Variants in RAP1GAP observed in about 807,000 individuals in gnomAD.
The protein encoded by RAP1GAP is rap1 GTPase-activating protein 1.
Under a neutral mutation model 87.2 loss-of-function variants are expected in RAP1GAP, and 35 were observed. That is an observed-to-expected ratio of 0.40 (90% CI 0.31 to 0.53). The LOEUF is 0.53. Among genes scored for constraint, RAP1GAP ranks in the 20% least tolerant of loss-of-function variants. The pLI is 0.48. For synonymous variants in RAP1GAP, 375 were observed against 363.9 expected, an observed-to-expected ratio of 1.03 and a Z score of -0.35; for missense variants, 734 against 898.9, an observed-to-expected ratio of 0.82 and a Z score of 2.35.
In RAP1GAP at chr1:21,661,012, G is replaced by A. The variant is rs2097135809; in HGVS notation, c.-149+8242C>T. Among the ~76,000 whole-genome samples, 3 of 152,164 alleles carry A rather than the reference G, an allele frequency of 2.0e-5. No homozygotes were observed. In the South Asian group the frequency reaches 6.2e-4, roughly 31 times the overall value. ...GCTTGTAATAATCCCAGCACTTTGAGAGACTGAGGCAGGTGGATCGCCTGA... is the reference window on the plus strand; with the variant it reads ...GCTTGTAATAATCCCAGCACTTTGAAAGACTGAGGCAGGTGGATCGCCTGA... On this transcript the variant is annotated intron_variant, in intron 1 of 24. Coordinates refer to ENST00000374765, the MANE Select transcript of RAP1GAP (RefSeq NM_002885.4).
intron 1 of RAP1GAP, among the ~76,000 whole-genome samples, chr1:21,664,584 T>C (rs1303077208): frequency 6.6e-6 from 1 of 152,178 alleles, no homozygotes; most frequent in East Asian, 1.9e-4. Context: ...GTAATTCTAC[T>C]ACTAACATTA....
At chr1:21,645,549 G>A (rs2095968678) in intron 2 of RAP1GAP, among the ~76,000 whole-genome samples, 3 of 152,202 alleles carry the variant, frequency 2.0e-5, no homozygotes, top group Admixed American at 1.3e-4. Flanking sequence ...CCAGGCTAAT[G>A]AGCTGGGGAC....
At chr1:21,662,895 G>A (rs1258287076) in intron 1 of RAP1GAP, among the ~76,000 whole-genome samples, 1 of 152,184 alleles carries the variant, frequency 6.6e-6, no homozygotes, top group African/African-American at 2.4e-5. Flanking sequence ...CATGAAAAGT[G>A]CTTACATAGG....
At chr1:21,623,112 G>C (rs1482093059) in intron 3 of RAP1GAP, 1 of 152,348 alleles carries the variant, frequency 6.6e-6, no homozygotes, top group Non-Finnish European at 1.5e-5. Context: ...ACAGTGGCTG[G>C]CCTGCTCCGT....
Position 21,613,798 on chromosome 1 carries a change from G to A in RAP1GAP, c.396-92C>T. The A allele has an allele frequency of 7.5e-7, 1 of 1,330,772 alleles. No individual in the cohort carries two copies. Among genetic ancestry groups the A allele is most frequent in the Non-Finnish European group, 1.1e-6 (1 of 929,788 alleles). The allele number at this position is 1,330,772 out of a possible 1,614,324, so 82.4% of individuals were successfully genotyped here. A position where few individuals can be genotyped will look rare whatever the true frequency, so the allele number is the denominator to read the frequency against. On this transcript the variant is annotated intron_variant, in intron 8 of 24. Coordinates refer to ENST00000374765, the MANE Select transcript of RAP1GAP (RefSeq NM_002885.4). The surrounding 1 kb of genome is among the most constrained non-coding windows in gnomAD (Gnocchi z 4.7). ...CACAAAGTAAGGCCAGAAGGGGGTG[G>A]ACCACAGCGAGGACCAGAGGTGATG...
chr1:21,609,509 G>A lies in RAP1GAP; in HGVS notation c.1071+66C>T, dbSNP rs966548318. ...TTTGGGACCTCATAAGGCAGAATGT[G>A]TATGCACCCCCCAGGCCCCCACCCA... On this transcript the variant is annotated intron_variant, in intron 15 of 24. Coordinates refer to ENST00000374765, the MANE Select transcript of RAP1GAP (RefSeq NM_002885.4). This position sits in a 1 kb window ranked among gnomAD's most constrained non-coding sequence, Gnocchi z 4.4. The A allele has an allele frequency of 7.2e-6, 7 of 965,666 alleles. No homozygotes were observed. The highest frequency in any genetic ancestry group is 8.8e-6 in the Non-Finnish European group (6 of 681,292). 59.8% of individuals were successfully genotyped at this position (965,666 alleles called of 1,614,324 possible).
intron 2 of RAP1GAP, among the ~76,000 whole-genome samples, chr1:21,636,486 G>A (rs1198314961): frequency 6.6e-6 from 1 of 152,136 alleles, no homozygotes; most frequent in Non-Finnish European, 1.5e-5. Context: ...AGGTAGAAAC[G>A]ATGGGACAAA....
At chr1:21,598,317 G>A (rs1475675372) in intron 22 of RAP1GAP, 83 bp downstream of exon 22, 1 of 1,266,378 alleles carries the variant, frequency 7.9e-7, no homozygotes, top group African/African-American at 1.5e-5. Flanking sequence ...CACTGCATGG[G>A]GCATGGGAAC....
chr1:21,654,347 G>A (rs1320802612), intron 1 of RAP1GAP, among the ~76,000 whole-genome samples: 10 of 152,194 alleles, frequency 6.6e-5, no homozygotes, highest in Non-Finnish European at 1.3e-4. Flanking sequence ...CAGCTCTCCC[G>A]CTTGTCACCT....
chr1:21,644,513 T>C (rs2095838573), intron 2 of RAP1GAP, among the ~76,000 whole-genome samples: 2 of 152,092 alleles, frequency 1.3e-5, no homozygotes, highest in Admixed American at 1.3e-4. Flanking sequence ...ATCAAACCCA[T>C]GAACGTGGGC....
At position 21,603,398 on chromosome 1, in the gene RAP1GAP, G is replaced by C; in HGVS notation, c.1429-485C>G. On this transcript the variant is annotated intron_variant, in intron 18 of 24. Transcript: ENST00000374765. This position sits in a 1 kb window ranked among gnomAD's most constrained non-coding sequence, Gnocchi z 6.0. ...CCCAGCTTCCCACACACTGTGCTGG[G>C]ATGCCCCAGGCCCCAGAAGCCCGCC... The C allele has an allele frequency of 1.8e-6, 1 of 543,666 alleles. No individual in the cohort carries two copies. The highest frequency in any genetic ancestry group is 3.3e-6 in the Non-Finnish European group (1 of 304,658). 33.7% of individuals were successfully genotyped at this position (543,666 alleles called of 1,614,324 possible). A position where few individuals can be genotyped will look rare whatever the true frequency, so the allele number is the denominator to read the frequency against.
intron 4 of RAP1GAP, 132 bp downstream of exon 4, chr1:21,619,883 C>G: frequency 1.0e-6 from 1 of 955,556 alleles, no homozygotes; most frequent in Non-Finnish European, 1.6e-6. Flanking sequence ...CCTGGACAAC[C>G]AATAGCCACC....
chr1:21,613,538 G>T lies in RAP1GAP; in HGVS notation c.474+90C>A. On this transcript the variant is annotated intron_variant, in intron 9 of 24. Coordinates refer to ENST00000374765, the MANE Select transcript of RAP1GAP (RefSeq NM_002885.4). The surrounding 1 kb of genome is among the most constrained non-coding windows in gnomAD (Gnocchi z 4.7). ...CGGCAGGCCAGGGCTAGGGCCTACA[G>T]CTGAAGGGGACGCGCCAAGGCAAGC... 2 of 1,250,770 alleles carry T rather than the reference G, an allele frequency of 1.6e-6. No homozygotes were observed. Among genetic ancestry groups the T allele is most frequent in the Non-Finnish European group, 1.2e-6 (1 of 853,292 alleles). 77.5% of individuals were successfully genotyped at this position (1,250,770 alleles called of 1,614,324 possible).
At position 21,634,662 on chromosome 1, in the gene RAP1GAP, A is replaced by G; in HGVS notation, c.-112-8265T>C. On this transcript the variant is annotated intron_variant, in intron 2 of 24. Coordinates refer to ENST00000374765, the MANE Select transcript of RAP1GAP (RefSeq NM_002885.4). This position sits in a 1 kb window ranked among gnomAD's most constrained non-coding sequence, Gnocchi z 4.1. ...CGGATCCCGGAGCTGGGCCAGGCAG[A>G]GGCCTCCTGAACAAATAACAGGTTG... The G allele has an allele frequency of 3.5e-6, 1 of 287,304 alleles. No homozygotes were observed. Among genetic ancestry groups the G allele is most frequent in the Non-Finnish European group, 7.7e-6 (1 of 129,320 alleles). 17.8% of individuals were successfully genotyped at this position (287,304 alleles called of 1,614,324 possible). A position where few individuals can be genotyped will look rare whatever the true frequency, so the allele number is the denominator to read the frequency against.
At position 21,622,366 on chromosome 1, in the gene RAP1GAP, GC is replaced by G; in HGVS notation, c.-18-2317del. On this transcript the variant is annotated intron_variant, in intron 3 of 24. Transcript: ENST00000374765. This position sits in a 1 kb window ranked among gnomAD's most constrained non-coding sequence, Gnocchi z 5.7. ...GCCAGCTGGCCCCCGCGGGCAGCGA[GC>G]CCCTCCGCGGACGGCCGGGTGGCAC... 2 of 456,078 alleles carry G rather than the reference GC, an allele frequency of 4.4e-6. No homozygotes were observed. The highest frequency in any genetic ancestry group is 3.9e-5 in the South Asian group (1 of 25,372). 28.3% of individuals were successfully genotyped at this position (456,078 alleles called of 1,614,324 possible). A position where few individuals can be genotyped will look rare whatever the true frequency, so the allele number is the denominator to read the frequency against.
At chr1:21,667,214 C>T (rs1204705671) in intron 1 of RAP1GAP, among the ~76,000 whole-genome samples, 1 of 152,204 alleles carries the variant, frequency 6.6e-6, no homozygotes, top group African/African-American at 2.4e-5. Flanking sequence ...CTCTTGGCCC[C>T]AGAATTTGAC....
rs1456133998 is a variant in RAP1GAP at position 21,603,238 on chromosome 1, G to A, written c.1429-325C>T. 1.0e-5 allele frequency: 4 copies of A among 400,414 alleles called. No homozygotes were observed. The East Asian group carries it at 1.7e-4, about 17-fold the overall frequency. The allele number at this position is 400,414 out of a possible 1,614,324, so 24.8% of individuals were successfully genotyped here. On this transcript the variant is annotated intron_variant, in intron 18 of 24. Coordinates refer to ENST00000374765, the MANE Select transcript of RAP1GAP (RefSeq NM_002885.4). This position sits in a 1 kb window ranked among gnomAD's most constrained non-coding sequence, Gnocchi z 6.0. ...ACCGCTCCCCGCCCCCCAGGGCTCT[G>A]TGGGATCTGCAGCCTAAGGGCAGTG...
intron 1 of RAP1GAP, chr1:21,651,831 C>A: frequency 1.7e-6 from 2 of 1,202,548 alleles, no homozygotes; most frequent in Non-Finnish European, 2.1e-6. Flanking sequence ...ATGGTGCCGC[C>A]GCCGCCGCCC....
chr1:21,644,125 T>A (rs527779557), intron 2 of RAP1GAP, among the ~76,000 whole-genome samples: 2 of 152,090 alleles, frequency 1.3e-5, no homozygotes, highest in Admixed American at 1.3e-4. Context: ...GGAGGGGATT[T>A]TTCTCTTGTC....
Sources: gnomAD v4.1 joint callset for allele counts (sites outside exome capture counted in the v4.1 genomes callset) on GRCh38, gnomAD v4.1.1 for gene constraint, Gnocchi (gnomAD v3.1) non-coding constraint, MANE v1.5 for transcripts, NCBI Gene and HGNC (gene_info 2026-07-23, HGNC 2026-07-21) for gene names.